Variants in STARD13 observed in about 807,000 individuals in gnomAD.
STARD13 encodes the protein stAR-related lipid transfer protein 13.
A neutral mutation model predicts 106.4 loss-of-function variants in STARD13; 62 were observed. The observed-to-expected ratio is 0.58, with a 90% confidence interval of 0.48 to 0.72. STARD13 has a LOEUF of 0.72. STARD13 is among the 30% of genes least tolerant of loss of function. STARD13 has a pLI of 0.00. For missense variants in STARD13, 1,387 were observed against 1,424.0 expected (o/e 0.97, Z 0.42); for synonymous variants, 565 against 553.0 (o/e 1.02, Z -0.31).
the STARD13 span, among the ~76,000 whole-genome samples, chr13:33,495,594 A>G: frequency 1.3e-5 from 2 of 152,066 alleles, no homozygotes; most frequent in African/African-American, 4.8e-5. Context: ...CAGGATGGAA[A>G]TATTTGCCAA....
chr13:33,444,190 C>T, the STARD13 span, among the ~76,000 whole-genome samples: 3 of 152,262 alleles, frequency 2.0e-5, no homozygotes, highest in South Asian at 4.1e-4. Context: ...TATATAGATA[C>T]ACACATTTCT....
chr13:33,490,489 G>A, the STARD13 span, among the ~76,000 whole-genome samples: 1 of 152,190 alleles, frequency 6.6e-6, no homozygotes, highest in Non-Finnish European at 1.5e-5. Flanking sequence ...GAACAACGCG[G>A]CAGAGAGAAA....
At chr13:33,598,380 C>G in the STARD13 span, among the ~76,000 whole-genome samples, 2 of 152,178 alleles carry the variant, frequency 1.3e-5, no homozygotes. Flanking sequence ...TGGTTGTGCT[C>G]TTAGGCTGTA....
At chr13:33,490,670 C>G in the STARD13 span, among the ~76,000 whole-genome samples, 1 of 152,154 alleles carries the variant, frequency 6.6e-6, no homozygotes, top group Non-Finnish European at 1.5e-5. Context: ...CCACCTCTAC[C>G]ACTCAATAAA....
At chr13:33,614,874 A>G in the STARD13 span, among the ~76,000 whole-genome samples, 1 of 152,174 alleles carries the variant, frequency 6.6e-6, no homozygotes, top group Admixed American at 6.5e-5. Flanking sequence ...GATTCTCGTT[A>G]GGCAGGCACC....
the STARD13 span, among the ~76,000 whole-genome samples, chr13:33,499,603 CTTT>C: frequency 4.5e-3 from 213 of 47,288 alleles, 5 homozygotes; most frequent in African/African-American, 8.9e-3. Context: ...TCTTCTTCTT[CTTT>C]CTTCTTCTTC....
chr13:33,221,495 C>T (rs1477912521), intron 1 of STARD13, among the ~76,000 whole-genome samples: 5 of 152,198 alleles, frequency 3.3e-5, no homozygotes, highest in African/African-American at 1.2e-4. Context: ...ATCAGTCTTA[C>T]TTTGACATGC....
the STARD13 span, among the ~76,000 whole-genome samples, chr13:33,408,113 G>A: frequency 1.3e-5 from 2 of 152,024 alleles, no homozygotes; most frequent in Non-Finnish European, 2.9e-5. Flanking sequence ...TAGTATGCAG[G>A]TGAATCCGTG....
chr13:33,293,691 C>T (rs1026078015), intron 1 of STARD13, among the ~76,000 whole-genome samples: 4 of 152,130 alleles, frequency 2.6e-5, no homozygotes, highest in African/African-American at 7.2e-5. Flanking sequence ...TGGGTGTGCA[C>T]CATCTAATCA....
At chr13:33,664,043 C>A in the STARD13 span, among the ~76,000 whole-genome samples, 1 of 152,178 alleles carries the variant, frequency 6.6e-6, no homozygotes, top group Non-Finnish European at 1.5e-5. Context: ...CTGGGTTGTA[C>A]TAACAGGAGT....
the STARD13 span, among the ~76,000 whole-genome samples, chr13:33,555,444 G>A: frequency 6.6e-6 from 1 of 152,198 alleles, no homozygotes; most frequent in Non-Finnish European, 1.5e-5. Context: ...GCCTTATTAG[G>A]TGTAAACCTT....
At chr13:33,628,180 CACACACACACA>C in the STARD13 span, among the ~76,000 whole-genome samples, 2,125 of 150,618 alleles carry the variant, frequency 0.014, 43 homozygotes, top group African/African-American at 0.049. Context: ...CACACACACA[CACACACACACA>C]CCACATGCAT....
rs188560939 is a variant in STARD13, at chr13:33,150,017, G to A, written c.324-7644C>T. Among the ~76,000 whole-genome samples, 514 of 152,308 alleles carry A rather than the reference G, an allele frequency of 3.4e-3. 4 individuals are homozygous for A. Among genetic ancestry groups the A allele is most frequent in the African/African-American group, 0.012 (484 of 41,564 alleles). ...TGGATGAAAATTTCAATTATAGAAT[G>A]TATTTGCAGCATGAATAGTGTGTCC... On this transcript the variant is annotated intron_variant, in intron 3 of 13. Coordinates refer to ENST00000336934, the MANE Select transcript of STARD13 (RefSeq NM_178006.4).
the STARD13 span, among the ~76,000 whole-genome samples, chr13:33,633,322 G>T: frequency 6.6e-6 from 1 of 152,150 alleles, no homozygotes; most frequent in Non-Finnish European, 1.5e-5. Context: ...CCTCATATTA[G>T]ATTCTTGTAA....
the STARD13 span, among the ~76,000 whole-genome samples, chr13:33,464,024 C>CATATATATATATATATATATATATAT: frequency 6.6e-4 from 74 of 112,168 alleles, no homozygotes; most frequent in South Asian, 1.2e-3. Flanking sequence ...AAAAAAAATA[C>CATATATATATATATATATATATATAT]ATATATATAT....
At chr13:33,153,331 T>C (rs1456687812) in intron 3 of STARD13, among the ~76,000 whole-genome samples, 1 of 152,076 alleles carries the variant, frequency 6.6e-6, no homozygotes, top group Admixed American at 6.5e-5. Flanking sequence ...AAGGCGGTCG[T>C]CAGCAGAAAA....
At chr13:33,613,168 T>C in the STARD13 span, among the ~76,000 whole-genome samples, 11 of 152,198 alleles carry the variant, frequency 7.2e-5, no homozygotes, top group African/African-American at 2.4e-4. Context: ...ATACTTTGCA[T>C]GTGTAGTTTC....
At chr13:33,355,116 G>A (rs929657464), upstream of STARD13, 3 of 151,922 alleles carry the variant, frequency 2.0e-5, no homozygotes, top group Admixed American at 6.6e-5. Flanking sequence ...ATAATCCTGC[G>A]ATAAATAACT....
At chr13:33,444,219 T>G in the STARD13 span, among the ~76,000 whole-genome samples, 1 of 152,216 alleles carries the variant, frequency 6.6e-6, no homozygotes, top group Non-Finnish European at 1.5e-5. Flanking sequence ...GCTAGGTGCT[T>G]AACCCTTTCT....
Sources: gnomAD v4.1 joint callset for allele counts (sites outside exome capture counted in the v4.1 genomes callset) on GRCh38, gnomAD v4.1.1 for gene constraint, MANE v1.5 for transcripts, NCBI Gene and HGNC (gene_info 2026-07-23, HGNC 2026-07-21) for gene names.